Variants in UBAC1 observed in about 807,000 individuals in gnomAD.
UBAC1 encodes the protein UBA domain containing 1.
A neutral mutation model predicts 45.9 loss-of-function variants in UBAC1; 27 were observed. The observed-to-expected ratio is 0.59, with a 90% CI of 0.43 to 0.81. The LOEUF (loss-of-function observed/expected upper bound fraction) is 0.81. Among genes scored for constraint, UBAC1 ranks in the 30% least tolerant of loss-of-function variants. The pLI is 0.00. For synonymous variants in UBAC1, 227 were observed against 215.5 expected (o/e 1.05, Z -0.47); for missense variants, 529 against 539.2 (o/e 0.98, Z 0.19).
intron 1 of UBAC1, among the ~76,000 whole-genome samples, chr9:135,960,821 G>A (rs1269217004): frequency 6.6e-6 from 1 of 152,198 alleles, no homozygotes; most frequent in Non-Finnish European, 1.5e-5. Flanking sequence ...GGCCCGGGAC[G>A]AGCGTCCAGA....
intron 1 of UBAC1, among the ~76,000 whole-genome samples, chr9:135,955,991 T>C (rs1331322591): frequency 6.6e-6 from 1 of 152,084 alleles, no homozygotes; most frequent in Non-Finnish European, 1.5e-5. Context: ...GCTCTCGGCG[T>C]GGCCCAGCTC....
chr9:135,957,532 G>C (rs138500609), intron 1 of UBAC1, among the ~76,000 whole-genome samples: 27 of 152,054 alleles, frequency 1.8e-4, no homozygotes, highest in Non-Finnish European at 3.2e-4. Flanking sequence ...CTTTGTTCTC[G>C]GCAGAAGCTG....
intron 8 of UBAC1, 124 bp from the exon 9 acceptor site, chr9:135,938,484 T>C (rs1839225918): frequency 7.8e-7 from 1 of 1,274,890 alleles, no homozygotes; most frequent in Non-Finnish European, 1.1e-6. Flanking sequence ...CCAGGGCTGA[T>C]CTCCCTGGAA....
At chr9:135,935,625 C>T (rs1336919155) in intron 9 of UBAC1, among the ~76,000 whole-genome samples, 1 of 151,858 alleles carries the variant, frequency 6.6e-6, no homozygotes, top group Admixed American at 6.6e-5. Context: ...GATCAAGACC[C>T]TGTCTCCATA....
chr9:135,937,370 G>C (rs1469380398), intron 9 of UBAC1, among the ~76,000 whole-genome samples: 1 of 151,798 alleles, frequency 6.6e-6, no homozygotes, highest in Non-Finnish European at 1.5e-5. Context: ...GAACCTGGGA[G>C]GCGGAGGTTG....
At chr9:135,958,157 C>T (rs922916510) in intron 1 of UBAC1, among the ~76,000 whole-genome samples, 1 of 151,988 alleles carries the variant, frequency 6.6e-6, no homozygotes, top group East Asian at 1.9e-4. Context: ...CACCATTCTC[C>T]TGTCTCAGCC....
chr9:135,945,537 C>A, intron 6 of UBAC1: 1 of 504,518 alleles, frequency 2.0e-6, no homozygotes, highest in Non-Finnish European at 3.5e-6. Context: ...GGGAACTGCC[C>A]CCGGCTGCCC....
In UBAC1 at chr9:135,961,348, GCC is replaced by G. The variant is rs772930319; in HGVS notation, c.-188_-187del. On this transcript the variant is annotated 5_prime_UTR_variant, in exon 1 of 10. Transcript: ENST00000371756. Reference sequence around the variant, plus strand: ...CCTCAGCGGTCGCCTCGCTCCCGCCGCCGCAGCAGCCGCCGGGGGCGCGCCGT... The same window carrying G: ...CCTCAGCGGTCGCCTCGCTCCCGCCGGCAGCAGCCGCCGGGGGCGCGCCGT... 0.027 allele frequency: 6,630 copies of G among 247,340 alleles called. 120 individuals are homozygous for G. The highest frequency in any genetic ancestry group is 0.034 in the Non-Finnish European group (5,317 of 156,850). The allele number at this position is 247,340 out of a possible 1,614,324, so 15.3% of individuals were successfully genotyped here. A position where few individuals can be genotyped will look rare whatever the true frequency, so the allele number is the denominator to read the frequency against.
At chr9:135,933,566 C>A in intron 9 of UBAC1, 51 bp from the exon 10 acceptor site, 1 of 1,378,248 alleles carries the variant, frequency 7.3e-7, no homozygotes. Context: ...ACTCAGCCCA[C>A]AGGCACAGGC....
intron 3 of UBAC1, among the ~76,000 whole-genome samples, chr9:135,952,750 T>A (rs1280223136): frequency 1.3e-5 from 2 of 152,132 alleles, no homozygotes; most frequent in African/African-American, 2.4e-5. Context: ...GGATTTCGGG[T>A]TTTTTCAGAT....
At chr9:135,951,490 T>C (rs948689697) in intron 3 of UBAC1, among the ~76,000 whole-genome samples, 1 of 151,508 alleles carries the variant, frequency 6.6e-6, no homozygotes, top group East Asian at 2.0e-4. Flanking sequence ...ATCCTGTCTC[T>C]AAAACAAAAA....
At position 135,945,959 on chromosome 9, in the gene UBAC1, C is replaced by G. The variant is rs1839327475; in HGVS notation, c.583G>C (p.Ala195Pro). ...ATCTCCGTGAGCTGCCGCAGGGCAG[C>G]CTCGTCCACACGCTCATCCTCGTCC... ...DEDEDERVDEAALRQLTEMGF... is the reference protein window; with the variant it reads ...DEDEDERVDEPALRQLTEMGF... Residue 195 changes from alanine (A) to proline (P), a missense_variant, in exon 6 of 10, where the codon GCT (alanine) becomes CCT (proline). Transcript: ENST00000371756. 7 of 1,613,948 alleles carry G rather than the reference C, an allele frequency of 4.3e-6. No individual in the cohort carries two copies. Among genetic ancestry groups the G allele is most frequent in the Non-Finnish European group, 5.9e-6 (7 of 1,180,048 alleles).
In UBAC1 at chr9:135,946,044, G is replaced by C; in HGVS notation, c.545-47C>G. Reference sequence around the variant, plus strand: ...ATGAGGGCTCCAGCCTCAGGTTCAGGGGCCTTATCTGAGCACAAACATTTG... The same window carrying C: ...ATGAGGGCTCCAGCCTCAGGTTCAGCGGCCTTATCTGAGCACAAACATTTG... On this transcript the variant is annotated intron_variant, in intron 5 of 9. Transcript: ENST00000371756. 3.2e-6 allele frequency: 5 copies of C among 1,538,660 alleles called. 1 individual carries two copies. The highest frequency in any genetic ancestry group is 4.5e-6 in the Non-Finnish European group (5 of 1,115,382).
chr9:135,947,700 G>A (rs1839353959), intron 4 of UBAC1, 98 bp downstream of exon 4: 2 of 972,864 alleles, frequency 2.1e-6, no homozygotes, highest in African/African-American at 1.7e-5. Context: ...TCCTCCCAGA[G>A]AATCTCCTCT....
intron 3 of UBAC1, among the ~76,000 whole-genome samples, chr9:135,952,581 C>T (rs895856306): frequency 1.3e-5 from 2 of 152,206 alleles, no homozygotes; most frequent in African/African-American, 4.8e-5. Context: ...GTGGACGGTG[C>T]AGACCATGAA....
intron 7 of UBAC1, among the ~76,000 whole-genome samples, chr9:135,941,437 T>C (rs963041397): frequency 6.6e-6 from 1 of 152,172 alleles, no homozygotes; most frequent in Non-Finnish European, 1.5e-5. Context: ...TTTCTATTTA[T>C]GGTCCATCAC....
At chr9:135,950,502 T>C (rs1447366820) in intron 3 of UBAC1, among the ~76,000 whole-genome samples, 1 of 151,948 alleles carries the variant, frequency 6.6e-6, no homozygotes, top group Non-Finnish European at 1.5e-5. Context: ...TATAAGAAAC[T>C]CAACAAGCAA....
At chr9:135,939,861 T>G (rs1333968786) in intron 7 of UBAC1, 102 bp from the exon 8 acceptor site, 9 of 937,080 alleles carry the variant, frequency 9.6e-6, no homozygotes, top group Non-Finnish European at 1.5e-5. Context: ...TAGCGGAGGG[T>G]GCTCCCAACA....
intron 3 of UBAC1, 59 bp from the exon 4 acceptor site, chr9:135,947,964 G>A: frequency 3.3e-6 from 5 of 1,498,344 alleles, no homozygotes; most frequent in Non-Finnish European, 4.6e-6. Flanking sequence ...AAAAGACGAT[G>A]ACAACTGAAT....
Sources: gnomAD v4.1 joint callset for allele counts (sites outside exome capture counted in the v4.1 genomes callset) on GRCh38, gnomAD v4.1.1 for gene constraint, MANE v1.5 for transcripts, NCBI Gene and HGNC (gene_info 2026-07-23, HGNC 2026-07-21) for gene names.